The following ROCK2 variants were observed in gnomAD, a reference collection of about 807,000 sequenced individuals.
ROCK2 encodes the protein rho-associated protein kinase 2.
A neutral mutation model predicts 195.1 loss-of-function variants in ROCK2; 61 were observed. The observed-to-expected ratio is 0.31, with a 90% CI of 0.25 to 0.39. The LOEUF is 0.39. Among genes scored for constraint, ROCK2 ranks in the 10% least tolerant of loss-of-function variants. The pLI, the probability that ROCK2 is intolerant of heterozygous loss-of-function variation, is 1.00. For synonymous variants in ROCK2, 504 were observed against 545.5 expected, an observed-to-expected ratio of 0.92 and a Z score of 1.06; for missense variants, 1,109 against 1,637.4, an observed-to-expected ratio of 0.68 and a Z score of 5.57.
At chr2:11,206,453 T>C (rs1208721139) in intron 20 of ROCK2, among the ~76,000 whole-genome samples, 3 of 151,924 alleles carry the variant, frequency 2.0e-5, no homozygotes, top group South Asian at 4.1e-4. Context: ...AAAGCTAATA[T>C]ACAGAAAAAA....
intron 30 of ROCK2, among the ~76,000 whole-genome samples, chr2:11,193,184 G>GA (rs1244984124): frequency 6.6e-6 from 1 of 152,074 alleles, no homozygotes; most frequent in Non-Finnish European, 1.5e-5. Context: ...AGTTGAGAGA[G>GA]AAAAGAAAGA....
intron 32 of ROCK2, among the ~76,000 whole-genome samples, chr2:11,187,191 G>A (rs1663230618): frequency 6.6e-6 from 1 of 152,148 alleles, no homozygotes; most frequent in Admixed American, 6.5e-5. Context: ...CCATATCCTT[G>A]TCTTCACTTT....
At chr2:11,218,494 TA>T in intron 10 of ROCK2, 28 bp from the exon 11 acceptor site, 1 of 1,422,996 alleles carries the variant, frequency 7.0e-7, no homozygotes. Context: ...GAAAACACAT[TA>T]AAATACTAAA....
At chr2:11,212,303 T>C (rs1664278573) in intron 17 of ROCK2, among the ~76,000 whole-genome samples, 1 of 152,128 alleles carries the variant, frequency 6.6e-6, no homozygotes, top group African/African-American at 2.4e-5. Context: ...GTAATCTATA[T>C]ACTCTACTTC....
intron 1 of ROCK2, among the ~76,000 whole-genome samples, chr2:11,343,594 G>C (rs1268412839): frequency 1.5e-4 from 23 of 152,200 alleles, no homozygotes. Flanking sequence ...AACAGGGACA[G>C]CATCAGGTTT....
At chr2:11,338,108 C>T in intron 1 of ROCK2, among the ~76,000 whole-genome samples, 1 of 152,088 alleles carries the variant, frequency 6.6e-6, no homozygotes, top group East Asian at 1.9e-4. Context: ...TTTTCAGGGG[C>T]TGAGGCTGGA....
intron 3 of ROCK2, among the ~76,000 whole-genome samples, chr2:11,261,679 T>TGTAATTACA (rs986947641): frequency 4.6e-5 from 7 of 152,094 alleles, no homozygotes; most frequent in Non-Finnish European, 1.0e-4. Context: ...TAGGCGGGCG[T>TGTAATTACA]GGTGGCAGGC....
chr2:11,243,165 G>A (rs555464928), intron 4 of ROCK2, among the ~76,000 whole-genome samples: 4 of 152,294 alleles, frequency 2.6e-5, no homozygotes, highest in South Asian at 2.1e-4. Flanking sequence ...AAATAAATGT[G>A]ATGTGGTTTG....
intron 3 of ROCK2, among the ~76,000 whole-genome samples, chr2:11,254,184 C>A (rs1665935670): frequency 6.6e-6 from 1 of 152,114 alleles, no homozygotes; most frequent in Admixed American, 6.6e-5. Flanking sequence ...TGTAAACAAC[C>A]ATCAAAAATG....
intron 1 of ROCK2, among the ~76,000 whole-genome samples, chr2:11,321,269 A>G (rs1323245805): frequency 6.6e-6 from 1 of 151,976 alleles, no homozygotes; most frequent in Non-Finnish European, 1.5e-5. Context: ...TCCGCCTCCA[A>G]CGTTCAAGCG....
At chr2:11,184,801 A>G (rs1663131921) in intron 32 of ROCK2, 1 of 966,512 alleles carries the variant, frequency 1.0e-6, no homozygotes, top group African/African-American at 1.8e-5. Context: ...TTTATACTCT[A>G]ACACTCTTTA....
Position 11,235,975 on chromosome 2 carries a change from A to C in ROCK2, c.463-13T>G. The C allele has an allele frequency of 7.0e-7, 1 of 1,423,182 alleles. No individual in the cohort carries two copies. The highest frequency in any genetic ancestry group is 9.2e-7 in the Non-Finnish European group (1 of 1,083,244). 88.2% of individuals were successfully genotyped at this position (1,423,182 alleles called of 1,614,324 possible). ...AGGCATAAAAAAGCTGGAAAACAAAAGGAAAAGGAAAAATTTTTAAAAACC... is the reference window on the plus strand; with the variant it reads ...AGGCATAAAAAAGCTGGAAAACAAACGGAAAAGGAAAAATTTTTAAAAACC... On this transcript the variant is annotated splice_polypyrimidine_tract_variant and intron_variant, in intron 4 of 32. Coordinates refer to ENST00000315872, the MANE Select transcript of ROCK2 (RefSeq NM_004850.5). This position sits in a 1 kb window ranked among gnomAD's most constrained non-coding sequence, Gnocchi z 4.2.
rs1351434515 is a variant in ROCK2, at chr2:11,217,458, A to G, written c.1333-289T>C. The G allele has an allele frequency of 1.2e-5, 5 of 428,126 alleles. No homozygotes were observed. In the East Asian group the frequency reaches 2.9e-4, roughly 25 times the overall value. 26.5% of individuals were successfully genotyped at this position (428,126 alleles called of 1,614,324 possible). A position where few individuals can be genotyped will look rare whatever the true frequency, so the allele number is the denominator to read the frequency against. On this transcript the variant is annotated intron_variant, in intron 11 of 32. Coordinates refer to ENST00000315872, the MANE Select transcript of ROCK2 (RefSeq NM_004850.5). ...TTCTATGACACAAAGTTTCAAATTC[A>G]TTATAAAGAATACCACCTCAGATAT...
chr2:11,246,589 T>G (rs954547110), intron 4 of ROCK2, among the ~76,000 whole-genome samples: 2 of 152,154 alleles, frequency 1.3e-5, no homozygotes, highest in Non-Finnish European at 2.9e-5. Context: ...TATGTCAATA[T>G]TTATCTATTG....
intron 1 of ROCK2, chr2:11,308,751 A>AACACT: frequency 6.2e-7 from 1 of 1,612,702 alleles, no homozygotes; most frequent in Non-Finnish European, 8.5e-7. Flanking sequence ...TTTGAATTCA[A>AACACT]ACACTACAAG....
chr2:11,195,144 T>C, intron 27 of ROCK2, 119 bp from the exon 28 acceptor site: 1 of 533,494 alleles, frequency 1.9e-6, no homozygotes, highest in East Asian at 3.1e-5. Context: ...TTAGAATTTA[T>C]CACTATACAT....
chr2:11,271,927 G>A (rs1275330156), intron 3 of ROCK2, among the ~76,000 whole-genome samples: 1 of 151,084 alleles, frequency 6.6e-6, no homozygotes, highest in Non-Finnish European at 1.5e-5. Flanking sequence ...GGCTGAGGCA[G>A]GAGAATGGCG....
intron 3 of ROCK2, among the ~76,000 whole-genome samples, chr2:11,258,956 T>C (rs1163474446): frequency 6.8e-6 from 1 of 146,240 alleles, no homozygotes; most frequent in East Asian, 2.0e-4. Flanking sequence ...GTATGAAGAG[T>C]CAAATATAGG....
chr2:11,219,631 C>T (rs1411233576), intron 9 of ROCK2, among the ~76,000 whole-genome samples: 5 of 152,076 alleles, frequency 3.3e-5, no homozygotes, highest in African/African-American at 1.2e-4. Flanking sequence ...CTTCCCACCT[C>T]TTCATCTTAT....
Sources: gnomAD v4.1 joint callset for allele counts (sites outside exome capture counted in the v4.1 genomes callset) on GRCh38, gnomAD v4.1.1 for gene constraint, Gnocchi (gnomAD v3.1) non-coding constraint, MANE v1.5 for transcripts, NCBI Gene and HGNC (gene_info 2026-07-23, HGNC 2026-07-21) for gene names.